The following RTL3 variants were observed in gnomAD, a reference collection of about 807,000 sequenced individuals.
The protein encoded by RTL3 is retrotransposon Gag like 3, also known as retrotransposon Gag-like protein 3.
For synonymous variants in RTL3, 181 were observed against 132.2 expected (o/e 1.37, Z -2.53); for missense variants, 468 against 341.8 (o/e 1.37, Z -2.91).
chrX:78,658,745 T>C (rs1923075225), intron 1 of RTL3, 97 bp from the exon 2 acceptor site: 1 of 167,383 alleles, frequency 6.0e-6, no homozygotes, highest in Non-Finnish European at 1.1e-5. Context: ...TCTTTTACCA[T>C]AGGCTTATGT....
At chrX:78,658,902 T>C (rs1391058219) in intron 1 of RTL3, among the ~76,000 whole-genome samples, 1 of 111,695 alleles carries the variant, frequency 9.0e-6, no homozygotes, top group Non-Finnish European at 1.9e-5. Flanking sequence ...TTCTGTTTTA[T>C]ATAGTCTTTA....
chrX:78,658,508 A>G lies in RTL3; in HGVS notation c.-88T>C. ...GAGATCCTTCCTGAAAGCTGCTTACAGGCAGATGTCAGGCTCAGTGAGTTT... is the reference window on the plus strand; with the variant it reads ...GAGATCCTTCCTGAAAGCTGCTTACGGGCAGATGTCAGGCTCAGTGAGTTT... On this transcript the variant is annotated 5_prime_UTR_variant, in exon 2 of 2. Transcript: ENST00000321110. The G allele has an allele frequency of 4.4e-6, 4 of 910,313 alleles. No homozygotes were observed. The highest frequency in any genetic ancestry group is 5.9e-6 in the Non-Finnish European group (4 of 672,441). The allele number at this position is 910,313 out of a possible 1,213,427, so 75.0% of individuals were successfully genotyped here. A position where few individuals can be genotyped will look rare whatever the true frequency, so the allele number is the denominator to read the frequency against.
In RTL3 at chrX:78,658,366, G is replaced by A. The variant is rs148985625; in HGVS notation, c.55C>T (p.Arg19Trp). Reference protein sequence around the residue: ...YIVLKLENEIRQAQVQWLMEE... With the variant: ...YIVLKLENEIWQAQVQWLMEE... ...ATCAGCCACTGCACTTGAGCCTGCC[G>A]AATTTCATTCTCCAATTTCAGAACA... Residue 19 changes from arginine to tryptophan, a missense_variant, in exon 2 of 2, where the codon CGG (arginine) becomes TGG (tryptophan). By Grantham distance (101) the Arg-to-Trp change is moderately radical. Coordinates refer to ENST00000321110, the MANE Select transcript of RTL3 (RefSeq NM_152694.3). The A allele has an allele frequency of 9.9e-6, 12 of 1,208,276 alleles. No individual in the cohort carries two copies. In the African/African-American group the frequency reaches 1.1e-4, roughly 11 times the overall value.
In RTL3 at chrX:78,657,495, A is replaced by G. The variant is rs746606891; in HGVS notation, c.926T>C (p.Ile309Thr). 1.7e-6 allele frequency: 2 copies of G among 1,207,494 alleles called. No individual in the cohort carries two copies. Among genetic ancestry groups the G allele is most frequent in the Non-Finnish European group, 2.2e-6 (2 of 893,088 alleles). ...SPLLEQCESFIPVLQDTFDNP... is the reference protein window; with the variant it reads ...SPLLEQCESFTPVLQDTFDNP... ...ATCAAAAGTATCCTGGAGCACAGGT[A>G]TGAAACTTTCACATTGCTCCAGTAA... The change falls in exon 2 of 2, where the codon ATA (isoleucine) becomes ACA (threonine). Residue 309 changes from isoleucine to threonine, a missense_variant. Physicochemically the swap from Ile to Thr is moderately conservative, Grantham distance 89. Transcript: ENST00000321110.
In RTL3 at chrX:78,658,152, T is replaced by C. The variant is rs201305388; in HGVS notation, c.269A>G (p.Glu90Gly). 6.4e-5 allele frequency: 74 copies of C among 1,164,892 alleles called. No individual in the cohort carries two copies. The highest frequency in any genetic ancestry group is 8.2e-5 in the Non-Finnish European group (72 of 877,482). The change falls in exon 2 of 2, where the codon GAG (glutamate) becomes GGG (glycine). Residue 90 changes from glutamate to glycine, a missense_variant. By Grantham distance (98) the Glu-to-Gly change is moderately conservative. Transcript: ENST00000321110. ...PEFKEPQKPP[E>G]PQDLLPWEPP... Reference sequence around the variant, plus strand: ...TTCCCAGGGTAGAAGATCCTGTGGCTCTGGTGGCTTCTGGGGTTCCTTGAA... The same window carrying C: ...TTCCCAGGGTAGAAGATCCTGTGGCCCTGGTGGCTTCTGGGGTTCCTTGAA...
Position 78,658,453 on chromosome X carries a change from G to C in RTL3, c.-33C>G. 1 of 1,121,434 alleles carries C rather than the reference G, an allele frequency of 8.9e-7. No individual in the cohort carries two copies. The highest frequency in any genetic ancestry group is 2.3e-5 in the South Asian group (1 of 43,805). 92.4% of individuals were successfully genotyped at this position (1,121,434 alleles called of 1,213,427 possible). A position where few individuals can be genotyped will look rare whatever the true frequency, so the allele number is the denominator to read the frequency against. ...GGAAATGGGTATGATTTGACAATTTGCTACCAAGAGAGATTGGGTGGGTGT... is the reference window on the plus strand; with the variant it reads ...GGAAATGGGTATGATTTGACAATTTCCTACCAAGAGAGATTGGGTGGGTGT... On this transcript the variant is annotated 5_prime_UTR_variant, in exon 2 of 2. Transcript: ENST00000321110.
At position 78,657,383 on chromosome X, in the gene RTL3, A is replaced by T; in HGVS notation, c.1038T>A (p.Ile346=). The part of the protein sequence containing the change: ...EGHVATHFHL[I]AQELNWDEST... The stretch of plus-strand genomic sequence containing the variant: ...TTTCATCCCAGTTCAGCTCTTGAGC[A>T]ATGAGGTGGAAGTGGGTTGCTACAT... Residue 346 remains isoleucine (I), a synonymous_variant, in exon 2 of 2, where the codon ATT becomes ATA. Coordinates refer to ENST00000321110, the MANE Select transcript of RTL3 (RefSeq NM_152694.3). 1 of 1,211,925 alleles carries T rather than the reference A, an allele frequency of 8.3e-7. No individual in the cohort carries two copies. Among genetic ancestry groups the T allele is most frequent in the Non-Finnish European group, 1.1e-6 (1 of 895,555 alleles).
At position 78,657,006 on chromosome X, in the gene RTL3, T is replaced by G. The variant is rs757544998; in HGVS notation, c.1415A>C (p.Gln472Pro). 2.2e-5 allele frequency: 27 copies of G among 1,207,381 alleles called. No individual in the cohort carries two copies. Among genetic ancestry groups the G allele is most frequent in the Non-Finnish European group, 2.1e-5 (19 of 893,379 alleles). ...GTGGGGTCCCCCTTACTGGCAGGCCTGGATGTTTCCCGCCTGCAGGGCCTG... is the reference window on the plus strand; with the variant it reads ...GTGGGGTCCCCCTTACTGGCAGGCCGGGATGTTTCCCGCCTGCAGGGCCTG... Reference protein sequence around the residue: ...PHQALQAGNIQACQ With the variant: ...PHQALQAGNIPACQ The change falls in exon 2 of 2, where the codon CAG (glutamine) becomes CCG (proline). Residue 472 changes from glutamine (Q) to proline (P), a missense_variant. By Grantham distance (76) the Gln-to-Pro change is moderately conservative (BLOSUM62 -1). Coordinates refer to ENST00000321110, the MANE Select transcript of RTL3 (RefSeq NM_152694.3).
In RTL3 at chrX:78,656,769, A is replaced by G. The variant is rs1603423354; in HGVS notation, c.*224T>C. 1 of 405,428 alleles carries G rather than the reference A, an allele frequency of 2.5e-6. No individual in the cohort carries two copies. The highest frequency in any genetic ancestry group is 4.0e-5 in the East Asian group (1 of 25,124). The allele number at this position is 405,428 out of a possible 1,213,427, so 33.4% of individuals were successfully genotyped here. A position where few individuals can be genotyped will look rare whatever the true frequency, so the allele number is the denominator to read the frequency against. On this transcript the variant is annotated 3_prime_UTR_variant, in exon 2 of 2. Coordinates refer to ENST00000321110, the MANE Select transcript of RTL3 (RefSeq NM_152694.3). ...CATTAATAAGTGGATGGCCGTCGAC[A>G]GTTTCCAGCATCAGAGGGAAGATAT... is the stretch of plus-strand genomic sequence containing the variant.
At position 78,657,369 on chromosome X, in the gene RTL3, T is replaced by G; in HGVS notation, c.1052A>C (p.Asn351Thr). 8.3e-7 allele frequency: 1 copy of G among 1,212,102 alleles called. No homozygotes were observed. The highest frequency in any genetic ancestry group is 1.7e-5 in the African/African-American group (1 of 57,885). ...GATCCAGAGAGTGCTTTCATCCCAG[T>G]TCAGCTCTTGAGCAATGAGGTGGAA... is the stretch of plus-strand genomic sequence containing the variant. ...THFHLIAQEL[N>T]WDESTLWIQF... is the part of the protein sequence containing the mutation. The change falls in exon 2 of 2, where the codon AAC becomes ACC. Residue 351 changes from asparagine (N) to threonine (T), a missense_variant. Coordinates refer to ENST00000321110, the MANE Select transcript of RTL3 (RefSeq NM_152694.3).
chrX:78,656,902 T>C lies in RTL3; in HGVS notation c.*91A>G, dbSNP rs1157175751. The stretch of plus-strand genomic sequence containing the variant: ...CTCAAAGAATTATCTTCTTCCCAGT[T>C]GGATTTCAACAGTAAGCCATAGTGT... On this transcript the variant is annotated 3_prime_UTR_variant, in exon 2 of 2. Transcript: ENST00000321110. 2 of 895,024 alleles carry C rather than the reference T, an allele frequency of 2.2e-6. No homozygotes were observed. The highest frequency in any genetic ancestry group is 3.0e-6 in the Non-Finnish European group (2 of 662,303). 73.8% of individuals were successfully genotyped at this position (895,024 alleles called of 1,213,427 possible).
rs993732901 is a variant in RTL3, at chrX:78,656,621, T to C, written c.*372A>G. On this transcript the variant is annotated 3_prime_UTR_variant, in exon 2 of 2. Coordinates refer to ENST00000321110, the MANE Select transcript of RTL3 (RefSeq NM_152694.3). ...CTCCATTCTATGTTTGGGTCATGTG[T>C]CTCAAGCCAATGGATTCCAATAATC... The C allele has an allele frequency of 2.3e-5, 4 of 173,683 alleles. No individual in the cohort carries two copies. Among genetic ancestry groups the C allele is most frequent in the African/African-American group, 1.2e-4 (4 of 32,963 alleles). 14.3% of individuals were successfully genotyped at this position (173,683 alleles called of 1,213,427 possible).
At position 78,657,710 on chromosome X, in the gene RTL3, G is replaced by A. The variant is rs1049959285; in HGVS notation, c.711C>T (p.Pro237=). 1 of 1,208,695 alleles carries A rather than the reference G, an allele frequency of 8.3e-7. No homozygotes were observed. Among genetic ancestry groups the A allele is most frequent in the African/African-American group, 1.8e-5 (1 of 56,880 alleles). Residue 237 remains proline (P), a synonymous_variant, in exon 2 of 2, where the codon CCC becomes CCT. Transcript: ENST00000321110. ...APIGLEATDF[P]LQYTLTFSGD... is the part of the protein sequence containing the mutation. The stretch of plus-strand genomic sequence containing the variant: ...CACTGAAGGTTAAAGTGTATTGCAG[G>A]GGGAAATCTGTAGCCTCTAACCCAA...
rs200467390 is a variant in RTL3, at chrX:78,658,470, G to C, written c.-50C>G. The C allele has an allele frequency of 2.8e-6, 3 of 1,073,896 alleles. No homozygotes were observed. The East Asian group carries it at 9.6e-5, about 34-fold the overall frequency. The allele number at this position is 1,073,896 out of a possible 1,213,427, so 88.5% of individuals were successfully genotyped here. ...GACAATTTGCTACCAAGAGAGATTG[G>C]GTGGGTGTTTGTGAGATCCTTCCTG... On this transcript the variant is annotated 5_prime_UTR_variant, in exon 2 of 2. Transcript: ENST00000321110.
chrX:78,657,185 G>A lies in RTL3; in HGVS notation c.1236C>T (p.Pro412=), dbSNP rs1038905206. ...GKSSSAEGDG[P]ESPPAENQPM... ...GTTGGTTTTCAGCTGGTGGACTCTCGGGTCCATCTCCCTCTGCAGAGGAAC... is the reference window on the plus strand; with the variant it reads ...GTTGGTTTTCAGCTGGTGGACTCTCAGGTCCATCTCCCTCTGCAGAGGAAC... The change falls in exon 2 of 2, where the codon CCC becomes CCT. Residue 412 remains proline, a synonymous_variant. Transcript: ENST00000321110. 8.3e-6 allele frequency: 10 copies of A among 1,212,108 alleles called. No homozygotes were observed. Among genetic ancestry groups the A allele is most frequent in the Middle Eastern group, 2.3e-4 (1 of 4,351 alleles).
In RTL3 at chrX:78,657,379, G is replaced by T. The variant is rs1249892308; in HGVS notation, c.1042C>A (p.Gln348Lys). ...GTGCTTTCATCCCAGTTCAGCTCTT[G>T]AGCAATGAGGTGGAAGTGGGTTGCT... ...HVATHFHLIA[Q>K]ELNWDESTLW... The change falls in exon 2 of 2, where the codon CAA (glutamine) becomes AAA (lysine). Residue 348 changes from glutamine (Q) to lysine (K), a missense_variant. Physicochemically the swap from Gln to Lys is moderately conservative, Grantham distance 53. Coordinates refer to ENST00000321110, the MANE Select transcript of RTL3 (RefSeq NM_152694.3). 1 of 1,210,263 alleles carries T rather than the reference G, an allele frequency of 8.3e-7. No homozygotes were observed. The highest frequency in any genetic ancestry group is 1.1e-6 in the Non-Finnish European group (1 of 895,329).
In RTL3 at chrX:78,657,357, C is replaced by A; in HGVS notation, c.1064G>T (p.Ser355Ile). ...LIAQELNWDE[S>I]TLWIQFQEGL... Reference sequence around the variant, plus strand: ...TTCTTGAAATTGGATCCAGAGAGTGCTTTCATCCCAGTTCAGCTCTTGAGC... The same window carrying A: ...TTCTTGAAATTGGATCCAGAGAGTGATTTCATCCCAGTTCAGCTCTTGAGC... Residue 355 changes from serine (S) to isoleucine (I), a missense_variant, in exon 2 of 2, where the codon AGC becomes ATC. Ser to Ile is a moderately radical substitution (Grantham distance 142). Coordinates refer to ENST00000321110, the MANE Select transcript of RTL3 (RefSeq NM_152694.3). 1 of 1,211,873 alleles carries A rather than the reference C, an allele frequency of 8.3e-7. No homozygotes were observed. The highest frequency in any genetic ancestry group is 1.1e-6 in the Non-Finnish European group (1 of 895,550).
rs751985077 is a variant in RTL3 at position 78,657,390 on chromosome X, T to A, written c.1031A>T (p.His344Leu). ...QGEGHVATHFHLIAQELNWDE... is the reference protein window; with the variant it reads ...QGEGHVATHFLLIAQELNWDE... ...CCAGTTCAGCTCTTGAGCAATGAGGTGGAAGTGGGTTGCTACATGACCCTC... is the reference window on the plus strand; with the variant it reads ...CCAGTTCAGCTCTTGAGCAATGAGGAGGAAGTGGGTTGCTACATGACCCTC... Residue 344 changes from histidine (H) to leucine (L), a missense_variant, in exon 2 of 2, where the codon CAC becomes CTC. By Grantham distance (99) the His-to-Leu change is moderately conservative. Transcript: ENST00000321110. The A allele has an allele frequency of 3.3e-6, 4 of 1,211,615 alleles. No homozygotes were observed. Among genetic ancestry groups the A allele is most frequent in the East Asian group, 3.0e-5 (1 of 33,817 alleles).
Position 78,658,338 on chromosome X carries a change from TCCATCAG to T in RTL3, c.76_82del (p.Leu26LysfsTer41), listed in dbSNP as rs760071726. Reference sequence around the variant, plus strand: ...CTGGGCCTGGAGAGCAGCATTTTCTTCCATCAGCCACTGCACTTGAGCCTGCCGAATT... The same window carrying T: ...CTGGGCCTGGAGAGCAGCATTTTCTTCCACTGCACTTGAGCCTGCCGAATT... On this transcript the variant is annotated frameshift_variant, in exon 2 of 2. Coordinates refer to ENST00000321110, the MANE Select transcript of RTL3 (RefSeq NM_152694.3). LOFTEE classifies it low-confidence loss of function (END_TRUNC). 8.3e-7 allele frequency: 1 copy of T among 1,211,262 alleles called. No homozygotes were observed. Among genetic ancestry groups the T allele is most frequent in the East Asian group, 3.0e-5 (1 of 33,804 alleles).
Sources: allele counts gnomAD v4.1 joint callset (sites outside exome capture counted in the v4.1 genomes callset), GRCh38; gene constraint gnomAD v4.1.1; transcripts MANE v1.5; gene names NCBI Gene and HGNC (gene_info 2026-07-23, HGNC 2026-07-21).